The following TSHZ3 variants were observed in gnomAD, a reference collection of about 807,000 sequenced individuals.
The protein encoded by TSHZ3 is teashirt zinc finger homeobox 3.
Under a neutral mutation model 64.5 loss-of-function variants are expected in TSHZ3, and 10 were observed. The ratio of observed to expected loss-of-function variants is 0.16; its 90% confidence interval spans 0.10 to 0.26. The LOEUF is 0.26. TSHZ3 is among the 10% of genes least tolerant of loss of function. TSHZ3 has a pLI of 1.00. For missense variants in TSHZ3, 1,242 were observed against 1,421.7 expected (o/e 0.87, Z 2.03); for synonymous variants, 608 against 593.1 (o/e 1.03, Z -0.36).
chr19:31,287,121 C>A (rs1976477440), intron 1 of TSHZ3, among the ~76,000 whole-genome samples: 1 of 152,150 alleles, frequency 6.6e-6, no homozygotes, highest in African/African-American at 2.4e-5. Flanking sequence ...CACTCTCCAA[C>A]CACGGGGGCC....
intron 4 of TSHZ3, among the ~76,000 whole-genome samples, chr19:31,210,507 C>T (rs1424461840): frequency 4.6e-5 from 7 of 152,082 alleles, no homozygotes; most frequent in African/African-American, 1.4e-4. Flanking sequence ...GTGTCTCGGG[C>T]CTCAGGCTGC....
upstream of TSHZ3, among the ~76,000 whole-genome samples, chr19:31,350,276 C>G (rs1473350321): frequency 1.3e-5 from 2 of 150,954 alleles, no homozygotes; most frequent in South Asian, 4.2e-4. Flanking sequence ...GCTCCTCCCC[C>G]AGGACCCGCC....
chr19:31,250,524 G>C (rs1385932117), intron 1 of TSHZ3, among the ~76,000 whole-genome samples: 1 of 152,208 alleles, frequency 6.6e-6, no homozygotes, highest in Non-Finnish European at 1.5e-5. Flanking sequence ...ATTACACCCA[G>C]TGCACAGTTA....
intron 3 of TSHZ3, among the ~76,000 whole-genome samples, chr19:31,239,178 A>AT (rs1476139169): frequency 2.0e-5 from 3 of 151,910 alleles, no homozygotes; most frequent in Non-Finnish European, 4.4e-5. Context: ...CCAGGATATG[A>AT]TTTTTTTACC....
At chr19:31,291,897 GCAAT>G (rs1976572428) in intron 1 of TSHZ3, among the ~76,000 whole-genome samples, 1 of 152,192 alleles carries the variant, frequency 6.6e-6, no homozygotes, top group Non-Finnish European at 1.5e-5. Context: ...TGGGTTGACA[GCAAT>G]CAGTTTGTCC....
At chr19:31,194,463 T>G (rs560191471) in intron 5 of TSHZ3, among the ~76,000 whole-genome samples, 4 of 152,166 alleles carry the variant, frequency 2.6e-5, no homozygotes, top group Non-Finnish European at 4.4e-5. Flanking sequence ...CTCCACACCA[T>G]TGCAGCCATC....
intron 4 of TSHZ3, among the ~76,000 whole-genome samples, chr19:31,220,966 G>C (rs1599590368): frequency 6.6e-6 from 1 of 152,184 alleles, no homozygotes; most frequent in Non-Finnish European, 1.5e-5. Flanking sequence ...AGTTACATAA[G>C]AACAGCATAG....
At chr19:31,175,535 T>C (rs920821495) in intron 5 of TSHZ3, among the ~76,000 whole-genome samples, 1 of 152,108 alleles carries the variant, frequency 6.6e-6, no homozygotes, top group Non-Finnish European at 1.5e-5. Context: ...TCTGGTAGAG[T>C]TGAGCCATGT....
intron 3 of TSHZ3, among the ~76,000 whole-genome samples, chr19:31,228,524 TA>T (rs5827760): frequency 0.059 from 7,702 of 131,028 alleles, 652 homozygotes; most frequent in African/African-American, 0.2. Flanking sequence ...AAACCCTGTC[TA>T]AAAAAAAAAA....
At chr19:31,339,889 TA>T (rs1917377573) in intron 1 of TSHZ3, among the ~76,000 whole-genome samples, 1 of 134,926 alleles carries the variant, frequency 7.4e-6, no homozygotes, top group Admixed American at 7.2e-5. Flanking sequence ...GTGGGTTATT[TA>T]AAAAAATTGA....
At chr19:31,221,686 C>T (rs1008928284) in intron 4 of TSHZ3, among the ~76,000 whole-genome samples, 1 of 152,182 alleles carries the variant, frequency 6.6e-6, no homozygotes, top group Non-Finnish European at 1.5e-5. Context: ...CATGTCTACT[C>T]CCTAACACAA....
chr19:31,318,862 C>T (rs1006435918), intron 1 of TSHZ3, among the ~76,000 whole-genome samples: 3 of 152,182 alleles, frequency 2.0e-5, no homozygotes, highest in Non-Finnish European at 2.9e-5. Context: ...CAGGAACAAA[C>T]GATCCGGTCA....
At position 31,349,230 on chromosome 19, in the gene TSHZ3, C is replaced by T. The variant is rs760182754; in HGVS notation, c.-11G>A. 19 of 1,535,642 alleles carry T rather than the reference C, an allele frequency of 1.2e-5. No individual in the cohort carries two copies. Among genetic ancestry groups the T allele is most frequent in the Middle Eastern group, 1.8e-4 (1 of 5,508 alleles). ...CTTCCTCCTCGGCATGATGCTTCTC[C>T]GGCGACTGCCACTGCCGCCGCCGCC... On this transcript the variant is annotated 5_prime_UTR_variant, in exon 1 of 2. Transcript: ENST00000240587.
chr19:31,165,565 A>T (rs1448974427), intron 5 of TSHZ3, among the ~76,000 whole-genome samples: 4 of 152,168 alleles, frequency 2.6e-5, no homozygotes, highest in Non-Finnish European at 4.4e-5. Context: ...GGATGGTTTC[A>T]GAGAAGACCC....
In TSHZ3 at chr19:31,277,844, A is replaced by C. The variant is rs1040709929; in HGVS notation, c.1949T>G (p.Val650Gly). Reference protein sequence around the residue: ...RATPSPCSSEVGEPIKMEASS... With the variant: ...RATPSPCSSEGGEPIKMEASS... ...TGCCTCCATCTTGATGGGTTCCCCG[A>C]CTTCGCTGCTACATGGGGAGGGAGT... Residue 650 changes from valine to glycine, a missense_variant, in exon 2 of 2, where the codon GTC becomes GGC. Coordinates refer to ENST00000240587, the MANE Select transcript of TSHZ3 (RefSeq NM_020856.4). The surrounding 1 kb of genome is among the most constrained non-coding windows in gnomAD (Gnocchi z 4.5). The C allele has an allele frequency of 1.3e-5, 20 of 1,585,744 alleles. No individual in the cohort carries two copies. The highest frequency in any genetic ancestry group is 1.7e-5 in the Non-Finnish European group (20 of 1,167,838).
At chr19:31,244,129 T>C (rs1266205344) in intron 1 of TSHZ3, among the ~76,000 whole-genome samples, 2 of 152,152 alleles carry the variant, frequency 1.3e-5, no homozygotes, top group African/African-American at 2.4e-5. Context: ...ATAATTTGCA[T>C]CTGTGTCTGC....
At chr19:31,323,949 C>G (rs868782735) in intron 1 of TSHZ3, among the ~76,000 whole-genome samples, 8 of 151,048 alleles carry the variant, frequency 5.3e-5, no homozygotes, top group African/African-American at 1.9e-4. Flanking sequence ...CCTAGGGCAT[C>G]CCTTTGCATG....
chr19:31,234,771 T>C (rs1420230994), intron 3 of TSHZ3, among the ~76,000 whole-genome samples: 1 of 152,232 alleles, frequency 6.6e-6, no homozygotes, highest in Non-Finnish European at 1.5e-5. Flanking sequence ...AATATTTTGT[T>C]GAGGATTTTG....
At chr19:31,197,345 T>G (rs1371549353) in intron 5 of TSHZ3, among the ~76,000 whole-genome samples, 1 of 151,444 alleles carries the variant, frequency 6.6e-6, no homozygotes, top group African/African-American at 2.4e-5. Context: ...AATGCATATA[T>G]TAGAATTAGA....
Sources: gnomAD v4.1 joint callset for allele counts (sites outside exome capture counted in the v4.1 genomes callset) on GRCh38, gnomAD v4.1.1 for gene constraint, Gnocchi (gnomAD v3.1) non-coding constraint, MANE v1.5 for transcripts, NCBI Gene and HGNC (gene_info 2026-07-23, HGNC 2026-07-21) for gene names.